TNS3: variants seen among roughly 807,000 people sequenced by gnomAD.
TNS3 encodes tensin-3.
TNS3 carries 45 observed loss-of-function variants against 140.9 expected under a neutral mutation model. The observed-to-expected ratio is 0.32, with a 90% CI of 0.25 to 0.41. The LOEUF is 0.41. Among genes scored for constraint, TNS3 ranks in the 10% least tolerant of loss-of-function variants. The pLI is 1.00. For synonymous variants in TNS3, 815 were observed against 788.4 expected (o/e 1.03, Z -0.56); for missense variants, 1,716 against 1,906.7 (o/e 0.90, Z 1.86).
At chr7:47,473,633 G>A (rs1280964193) in intron 4 of TNS3, among the ~76,000 whole-genome samples, 3 of 152,166 alleles carry the variant, frequency 2.0e-5, no homozygotes, top group South Asian at 4.1e-4. Flanking sequence ...CTTATGGGCC[G>A]TGAGGACAAG....
In TNS3 at chr7:47,565,384, G is replaced by A. The variant is rs375778031; in HGVS notation, c.-265+16667C>T. Among the ~76,000 whole-genome samples, 16 of 138,316 alleles carry A rather than the reference G, an allele frequency of 1.2e-4. No homozygotes were observed. In the East Asian group the frequency reaches 1.3e-3, roughly 11 times the overall value. The allele number at this position is 138,316 out of a possible 152,430, so 90.7% of individuals were successfully genotyped here. On this transcript the variant is annotated intron_variant, in intron 1 of 30. Coordinates refer to ENST00000311160, the MANE Select transcript of TNS3 (RefSeq NM_022748.12). ...GCCACCGCGCCCGGCCTTTTTTTTTGGAGACAGAGGCTCACTCTTTCGCCC... is the reference window on the plus strand; with the variant it reads ...GCCACCGCGCCCGGCCTTTTTTTTTAGAGACAGAGGCTCACTCTTTCGCCC...
intron 7 of TNS3, among the ~76,000 whole-genome samples, chr7:47,436,329 C>A (rs1315024122): frequency 6.6e-6 from 1 of 152,030 alleles, no homozygotes; most frequent in Non-Finnish European, 1.5e-5. Context: ...CTAATGGCTG[C>A]AAAATATTTC....
rs1790902976 is a variant in TNS3, at chr7:47,369,180, C to A, written c.1466G>T (p.Ser489Ile). The A allele has an allele frequency of 6.2e-7, 1 of 1,614,192 alleles. No individual in the cohort carries two copies. The highest frequency in any genetic ancestry group is 1.3e-5 in the African/African-American group (1 of 75,076). Residue 489 changes from serine (S) to isoleucine (I), a missense_variant, in exon 17 of 31, where the codon AGT (serine) becomes ATT (isoleucine). Ser to Ile is a moderately radical substitution (Grantham distance 142). This residue lies in a region of TNS3 where 1,163 missense variants were observed against 1,182.1 expected (regional missense o/e 0.98). Coordinates refer to ENST00000311160, the MANE Select transcript of TNS3 (RefSeq NM_022748.12). Reference protein sequence around the residue: ...DDEMPHHDLHSVDSLGTLSSS... With the variant: ...DDEMPHHDLHIVDSLGTLSSS... ...GGACAGGGTCCCAAGGCTGTCCACA[C>A]TGTGCAGGTCGTGGTGGGGCATCTC...
rs142982632 is a variant in TNS3 at position 47,404,638 on chromosome 7, G to A, written c.724-3724C>T. On this transcript the variant is annotated intron_variant, in intron 13 of 30. Transcript: ENST00000311160. ...GCGGTGGCTCACGCCTGTAATCCCA[G>A]CACTTTGGGAGGCCGAGGCAGGCGG... is the stretch of plus-strand genomic sequence containing the variant. Among the ~76,000 whole-genome samples the A allele has an allele frequency of 1.4e-3, 217 of 152,030 alleles. 3 individuals carry two copies. In the East Asian group the frequency reaches 0.038, roughly 27 times the overall value.
At chr7:47,543,752 C>T (rs1799853283) in intron 1 of TNS3, among the ~76,000 whole-genome samples, 2 of 152,196 alleles carry the variant, frequency 1.3e-5, no homozygotes, top group Admixed American at 1.3e-4. Flanking sequence ...TTAACCAAAA[C>T]GTCTCCATTG....
At chr7:47,580,082 T>C (rs556463381) in intron 1 of TNS3, among the ~76,000 whole-genome samples, 6 of 152,284 alleles carry the variant, frequency 3.9e-5, no homozygotes, top group African/African-American at 1.4e-4. Flanking sequence ...TGGTAGTTTT[T>C]TAAAGACATA....
chr7:47,407,757 A>C lies in TNS3; in HGVS notation c.723+3970T>G, dbSNP rs1185366574. Among the ~76,000 whole-genome samples, 1 of 152,162 alleles carries C rather than the reference A, an allele frequency of 6.6e-6. No homozygotes were observed. Among genetic ancestry groups the C allele is most frequent in the African/African-American group, 2.4e-5 (1 of 41,448 alleles). Reference sequence around the variant, plus strand: ...TGTCCTTGTAAGAAGAGATGAGGACATAGACACACAGAGGGAAGCCCAGGT... The same window carrying C: ...TGTCCTTGTAAGAAGAGATGAGGACCTAGACACACAGAGGGAAGCCCAGGT... On this transcript the variant is annotated intron_variant, in intron 13 of 30. Transcript: ENST00000311160. The surrounding 1 kb of genome is among the most constrained non-coding windows in gnomAD (Gnocchi z 4.1).
In TNS3 at chr7:47,310,045, C is replaced by G. The variant is rs149727154; in HGVS notation, c.2651-5042G>C. ...GGAAGCATGTGGTATAGGGGCCATA[C>G]ACAAACTAGCAGTGGTAATCACACT... On this transcript the variant is annotated intron_variant, in intron 20 of 30. Transcript: ENST00000311160. Among the ~76,000 whole-genome samples the G allele has an allele frequency of 3.3e-5, 5 of 152,278 alleles. No homozygotes were observed. In the East Asian group the frequency reaches 9.6e-4, roughly 29 times the overall value.
intron 20 of TNS3, among the ~76,000 whole-genome samples, chr7:47,333,486 T>C (rs1188388989): frequency 6.6e-6 from 1 of 152,210 alleles, no homozygotes; most frequent in Non-Finnish European, 1.5e-5. Context: ...TAGGAATGCA[T>C]GTGCTTTTGA....
chr7:47,275,829 C>T lies in TNS3; in HGVS notation c.*2247G>A, dbSNP rs1348833092. 1.1e-5 allele frequency: 5 copies of T among 455,934 alleles called. No individual in the cohort carries two copies. Among genetic ancestry groups the T allele is most frequent in the Non-Finnish European group, 2.2e-5 (5 of 226,814 alleles). 28.2% of individuals were successfully genotyped at this position (455,934 alleles called of 1,614,324 possible). A position where few individuals can be genotyped will look rare whatever the true frequency, so the allele number is the denominator to read the frequency against. ...TCAAAAAGCACGTTTGCAGGGCTTC[C>T]TGAATGCCGTCGAGGCATGGCTTCA... On this transcript the variant is annotated 3_prime_UTR_variant, in exon 31 of 31. Transcript: ENST00000311160.
At chr7:47,405,924 G>C (rs1793423402) in intron 13 of TNS3, among the ~76,000 whole-genome samples, 2 of 152,070 alleles carry the variant, frequency 1.3e-5, no homozygotes, top group South Asian at 4.2e-4. Flanking sequence ...AGTGGCCGTG[G>C]ATTTGTCCAA....
intron 1 of TNS3, among the ~76,000 whole-genome samples, chr7:47,530,505 A>G (rs572016711): frequency 6.6e-6 from 1 of 152,120 alleles, no homozygotes; most frequent in African/African-American, 2.4e-5. Context: ...GAGGAAAACT[A>G]TAAACCCACA....
chr7:47,277,660 C>A lies in TNS3; in HGVS notation c.*416G>T. 3.6e-6 allele frequency: 1 copy of A among 275,734 alleles called. No individual in the cohort carries two copies. Among genetic ancestry groups the A allele is most frequent in the Non-Finnish European group, 7.1e-6 (1 of 141,508 alleles). The allele number at this position is 275,734 out of a possible 1,614,324, so 17.1% of individuals were successfully genotyped here. On this transcript the variant is annotated 3_prime_UTR_variant, in exon 31 of 31. Coordinates refer to ENST00000311160, the MANE Select transcript of TNS3 (RefSeq NM_022748.12). Reference sequence around the variant, plus strand: ...GTGCAGCTGGACAGAAGCGCCCATGCGGACGGGCGAAGCATGGCAGTCACT... The same window carrying A: ...GTGCAGCTGGACAGAAGCGCCCATGAGGACGGGCGAAGCATGGCAGTCACT...
intron 4 of TNS3, among the ~76,000 whole-genome samples, chr7:47,444,761 G>T (rs763365320): frequency 1.3e-5 from 2 of 152,032 alleles, no homozygotes; most frequent in South Asian, 4.1e-4. Flanking sequence ...TTCAAACCCC[G>T]AAACCATACA....
At chr7:47,475,843 C>T (rs1237524855) in intron 4 of TNS3, among the ~76,000 whole-genome samples, 2 of 152,200 alleles carry the variant, frequency 1.3e-5, no homozygotes, top group Non-Finnish European at 1.5e-5. Context: ...AGGACAGACT[C>T]GCATGCGCCC....
At chr7:47,504,032 G>C (rs1798323084) in intron 3 of TNS3, among the ~76,000 whole-genome samples, 1 of 152,126 alleles carries the variant, frequency 6.6e-6, no homozygotes, top group South Asian at 2.1e-4. Flanking sequence ...AGGAATCTGG[G>C]GGAGACACAA....
At chr7:47,367,519 G>C (rs1023214683) in intron 17 of TNS3, among the ~76,000 whole-genome samples, 1 of 152,164 alleles carries the variant, frequency 6.6e-6, no homozygotes, top group Non-Finnish European at 1.5e-5. Flanking sequence ...AGGCCTCAAG[G>C]CTGCACAGAA....
chr7:47,372,745 T>C (rs969176124), intron 16 of TNS3, among the ~76,000 whole-genome samples: 4 of 152,130 alleles, frequency 2.6e-5, no homozygotes, highest in Non-Finnish European at 4.4e-5. Context: ...TATTAATACA[T>C]GAAAGTACAG....
intron 1 of TNS3, among the ~76,000 whole-genome samples, chr7:47,531,431 C>T (rs1445451827): frequency 6.6e-6 from 1 of 152,014 alleles, no homozygotes; most frequent in Admixed American, 6.5e-5. Context: ...CCAGCTGACA[C>T]CTATGACATA....
Sources: gnomAD v4.1 joint callset for allele counts (sites outside exome capture counted in the v4.1 genomes callset) on GRCh38, gnomAD v4.1.1 for gene constraint, gnomAD v4.1.1 regional missense constraint, Gnocchi (gnomAD v3.1) non-coding constraint, MANE v1.5 for transcripts, NCBI Gene and HGNC (gene_info 2026-07-23, HGNC 2026-07-21) for gene names.